The following ARAP3 variants were observed in gnomAD, a reference collection of about 807,000 sequenced individuals.
The protein encoded by ARAP3 is arf-GAP with Rho-GAP domain, ANK repeat and PH domain-containing protein 3.
A neutral mutation model predicts 169.2 loss-of-function variants in ARAP3; 82 were observed. The observed-to-expected ratio is 0.48, with a 90% confidence interval of 0.41 to 0.58. The LOEUF (loss-of-function observed/expected upper bound fraction) is 0.58. Among genes scored for constraint, ARAP3 ranks in the 20% least tolerant of loss-of-function variants. ARAP3 has a pLI of 0.00. For synonymous variants in ARAP3, 791 were observed against 800.3 expected, an observed-to-expected ratio of 0.99 and a Z score of 0.20; for missense variants, 1,764 against 2,018.0, an observed-to-expected ratio of 0.87 and a Z score of 2.41.
intron 32 of ARAP3, among the ~76,000 whole-genome samples, 181 bp downstream of exon 32, chr5:141,655,181 C>CCACACA (rs1562400843): frequency 2.8e-5 from 1 of 35,176 alleles, no homozygotes; most frequent in Non-Finnish European, 6.3e-5. Context: ...CCCTGATGGC[C>CCACACA]TACACACACA....
At position 141,672,237 on chromosome 5, in the gene ARAP3, C is replaced by G; in HGVS notation, c.1450G>C (p.Glu484Gln). 6.2e-7 allele frequency: 1 copy of G among 1,614,238 alleles called. No homozygotes were observed. The highest frequency in any genetic ancestry group is 1.7e-5 in the Admixed American group (1 of 60,034). The change falls in exon 10 of 33, where the codon GAG (glutamate) becomes CAG (glutamine). Residue 484 changes from glutamate to glutamine, a missense_variant. Transcript: ENST00000239440. The surrounding 1 kb of genome is among the most constrained non-coding windows in gnomAD (Gnocchi z 4.9). ...WAAALQEAVT[E>Q]TLSDYEVAEK... Reference sequence around the variant, plus strand: ...GCCACCTCGTAGTCAGACAGGGTCTCGGTTACTGCTTCCTGCAGAGCGGCC... The same window carrying G: ...GCCACCTCGTAGTCAGACAGGGTCTGGGTTACTGCTTCCTGCAGAGCGGCC...
chr5:141,680,902 G>C (rs1378346704), intron 1 of ARAP3: 1 of 188,412 alleles, frequency 5.3e-6, no homozygotes, highest in Non-Finnish European at 1.1e-5. Flanking sequence ...AGATGCAGAG[G>C]AGGGGCCAAT....
rs1159938034 is a variant in ARAP3 at position 141,680,073 on chromosome 5, G to A, written c.414C>T (p.Leu138=). The A allele has an allele frequency of 6.2e-7, 1 of 1,614,096 alleles. No homozygotes were observed. Among genetic ancestry groups the A allele is most frequent in the Admixed American group, 1.7e-5 (1 of 60,024 alleles). The change falls in exon 2 of 33, where the codon CTC becomes CTT. Residue 138 remains leucine (L), a synonymous_variant. Coordinates refer to ENST00000239440, the MANE Select transcript of ARAP3 (RefSeq NM_022481.6). ...SPEPSPRPPP[L]PTSSSEQSSA... ...AAGACTGCTCAGAGGAGGAAGTGGG[G>A]AGAGGAGGAGGCCTTGGGCTGGGCT...
rs754888400 is a variant in ARAP3, at chr5:141,680,310, T to C, written c.177A>G (p.Leu59=). The C allele has an allele frequency of 6.2e-7, 1 of 1,614,218 alleles. No individual in the cohort carries two copies. The highest frequency in any genetic ancestry group is 1.1e-5 in the South Asian group (1 of 91,088). Residue 59 remains leucine, a synonymous_variant, in exon 2 of 33, where the codon CTA becomes CTG. Coordinates refer to ENST00000239440, the MANE Select transcript of ARAP3 (RefSeq NM_022481.6). The part of the protein sequence containing the change: ...ISATGHRKRI[L]RLLQTGTEEG... The stretch of plus-strand genomic sequence containing the variant: ...CTTCGGTGCCTGTCTGTAGCAGGCG[T>C]AGAATGCGTTTCCGGTGCCCTGTGG...
chr5:141,677,855 A>G (rs1233814229), intron 4 of ARAP3, among the ~76,000 whole-genome samples: 1 of 151,440 alleles, frequency 6.6e-6, no homozygotes, highest in Non-Finnish European at 1.5e-5. Flanking sequence ...CATGATCTTG[A>G]CTTGCTGCAA....
intron 16 of ARAP3, among the ~76,000 whole-genome samples, chr5:141,668,519 G>A (rs2099910988): frequency 6.6e-6 from 1 of 152,184 alleles, no homozygotes. Flanking sequence ...CATAGTCCAG[G>A]GGCTAGTATG....
chr5:141,654,570 G>C (rs181733720), intron 32 of ARAP3, 135 bp from the exon 33 acceptor site: 688 of 1,276,086 alleles, frequency 5.4e-4, no homozygotes, highest in Non-Finnish European at 6.8e-4. Flanking sequence ...GAACAACCCT[G>C]TGCAGTGGGT....
chr5:141,678,351 T>G (rs908275386), intron 4 of ARAP3, among the ~76,000 whole-genome samples: 9 of 152,182 alleles, frequency 5.9e-5, no homozygotes, highest in Non-Finnish European at 8.8e-5. Context: ...TCACTGCTCC[T>G]GGATCCCTTT....
In ARAP3 at chr5:141,673,783, G is replaced by A. The variant is rs201192030; in HGVS notation, c.724C>T (p.Arg242Trp). The A allele has an allele frequency of 3.1e-6, 5 of 1,613,964 alleles. No homozygotes were observed. The highest frequency in any genetic ancestry group is 1.3e-5 in the African/African-American group (1 of 74,896). Residue 242 changes from arginine to tryptophan, a missense_variant, in exon 5 of 33, where the codon CGG (arginine) becomes TGG (tryptophan). Coordinates refer to ENST00000239440, the MANE Select transcript of ARAP3 (RefSeq NM_022481.6). ...AGGCTGGCATAGCCAGCATCCTCCC[G>A]TGCCTCCAGATCCTGTCTGCTGAGC... Reference protein sequence around the residue: ...HRLSRQDLEAREDAGYASLEL... With the variant: ...HRLSRQDLEAWEDAGYASLEL...
At chr5:141,674,589 G>A (rs998135428) in intron 4 of ARAP3, among the ~76,000 whole-genome samples, 1 of 152,138 alleles carries the variant, frequency 6.6e-6, no homozygotes, top group African/African-American at 2.4e-5. Context: ...GGAATAGGGA[G>A]GTTCAGAACC....
At chr5:141,681,575 T>C (rs1056154929) in intron 1 of ARAP3, among the ~76,000 whole-genome samples, 1 of 152,082 alleles carries the variant, frequency 6.6e-6, no homozygotes, top group Admixed American at 6.5e-5. Flanking sequence ...TCTCAACCTC[T>C]CAATTCTTCT....
At chr5:141,669,417 AT>A (rs758221730) in intron 16 of ARAP3, among the ~76,000 whole-genome samples, 1 of 152,184 alleles carries the variant, frequency 6.6e-6, no homozygotes, top group Non-Finnish European at 1.5e-5. Flanking sequence ...AGAGGCCTGA[AT>A]TTTAGTCCTG....
At chr5:141,660,150 C>T (rs1404590249) in intron 21 of ARAP3, among the ~76,000 whole-genome samples, 1 of 152,180 alleles carries the variant, frequency 6.6e-6, no homozygotes. Flanking sequence ...CAGACAGTCT[C>T]TGTTCTAACT....
Position 141,661,173 on chromosome 5 carries a change from C to T in ARAP3, c.3119+511G>A, listed in dbSNP as rs546013317. On this transcript the variant is annotated intron_variant, in intron 21 of 32. Transcript: ENST00000239440. Reference sequence around the variant, plus strand: ...CCACCTCCTGTGCTCAAGCGATTCTCGTGCCTCAGCCTCCTGAGTAGCTGA... The same window carrying T: ...CCACCTCCTGTGCTCAAGCGATTCTTGTGCCTCAGCCTCCTGAGTAGCTGA... Among the ~76,000 whole-genome samples the T allele has an allele frequency of 4.6e-5, 7 of 151,358 alleles. 2 individuals carry two copies. Among genetic ancestry groups the T allele is most frequent in the South Asian group, 4.2e-4 (2 of 4,806 alleles).
intron 4 of ARAP3, among the ~76,000 whole-genome samples, chr5:141,675,778 G>A (rs1158182815): frequency 1.3e-5 from 2 of 151,968 alleles, no homozygotes; most frequent in Non-Finnish European, 2.9e-5. Flanking sequence ...AACTGCTACT[G>A]CAGCCTCTGT....
At chr5:141,679,410 G>C (rs557541019) in intron 4 of ARAP3, 135 bp downstream of exon 4, 1 of 803,338 alleles carries the variant, frequency 1.2e-6, no homozygotes, top group Admixed American at 2.4e-5. Flanking sequence ...GGTGGCACTA[G>C]GTCTGTGATA....
chr5:141,673,951 C>CTTTTTTTTTTT, intron 4 of ARAP3, 143 bp from the exon 5 acceptor site: 1 of 573,966 alleles, frequency 1.7e-6, no homozygotes, highest in African/African-American at 2.0e-5. Flanking sequence ...TTTTTCTTTT[C>CTTTTTTTTTTT]TTTTCTTCTT....
chr5:141,664,882 C>A (rs1177643582), intron 19 of ARAP3, 40 bp downstream of exon 19: 1 of 446,256 alleles, frequency 2.2e-6, no homozygotes, highest in Non-Finnish European at 4.3e-6. Context: ...ACCCCCACCC[C>A]CCACCCCCAT....
At chr5:141,676,150 C>G (rs1406153106) in intron 4 of ARAP3, among the ~76,000 whole-genome samples, 1 of 152,188 alleles carries the variant, frequency 6.6e-6, no homozygotes, top group Non-Finnish European at 1.5e-5. Context: ...GAGGTCGAGA[C>G]CATCCTGGCC....
Sources: gnomAD v4.1 joint callset for allele counts (sites outside exome capture counted in the v4.1 genomes callset) on GRCh38, gnomAD v4.1.1 for gene constraint, Gnocchi (gnomAD v3.1) non-coding constraint, MANE v1.5 for transcripts, NCBI Gene and HGNC (gene_info 2026-07-23, HGNC 2026-07-21) for gene names.